Variants in TEX55 observed in about 807,000 individuals in gnomAD.
TEX55 encodes testis expressed 55.
A neutral mutation model predicts 44.6 loss-of-function variants in TEX55; 31 were observed. The ratio of observed to expected loss-of-function variants is 0.69; its 90% CI spans 0.52 to 0.94. The LOEUF is 0.94. Among genes scored for constraint, TEX55 ranks in the 40% least tolerant of loss-of-function variants. TEX55 has a pLI of 0.00. For missense variants in TEX55, 639 were observed against 638.4 expected, an observed-to-expected ratio of 1.00 and a Z score of -0.01; for synonymous variants, 230 against 230.9, an observed-to-expected ratio of 1.00 and a Z score of 0.04.
chr3:119,150,336 A>G (rs75856585), intron 2 of TEX55, among the ~76,000 whole-genome samples: 2 of 2,482 alleles, frequency 8.1e-4, no homozygotes, highest in African/African-American at 1.6e-3. Flanking sequence ...ACCTGTGAAG[A>G]AAAAAACTGC....
rs2077726365 is a variant in TEX55, at chr3:119,146,459, A to G, written c.270A>G (p.Arg90=). The G allele has an allele frequency of 3.7e-6, 6 of 1,614,154 alleles. No individual in the cohort carries two copies. The South Asian group carries it at 6.6e-5, about 18-fold the overall frequency. ...GTACACCTGGTCAGGCTGGCCGCAGAGCATCCAACCCTGCTGATGTTTCTG... is the reference window on the plus strand; with the variant it reads ...GTACACCTGGTCAGGCTGGCCGCAGGGCATCCAACCCTGCTGATGTTTCTG... ...GHSTPGQAGR[R]ASNPADVSDL... is the part of the protein sequence containing the mutation. The change falls in exon 1 of 3, where the codon AGA becomes AGG. Residue 90 remains arginine (R), a synonymous_variant. Coordinates refer to ENST00000295622, the MANE Select transcript of TEX55 (RefSeq NM_152539.3).
In TEX55 at chr3:119,147,289, G is replaced by C; in HGVS notation, c.1100G>C (p.Gly367Ala). The change falls in exon 1 of 3, where the codon GGC (glycine) becomes GCC (alanine). Residue 367 changes from glycine to alanine, a missense_variant. Gly to Ala is a moderately conservative substitution (Grantham distance 60, BLOSUM62 0). Transcript: ENST00000295622. The part of the protein sequence containing the change: ...KDQLSYYETR[G>A]QSEDRIFPQL... ...CAGCTGTCTTACTATGAAACACGTG[G>C]CCAGTCTGAAGACAGAATATTTCCC... is the stretch of plus-strand genomic sequence containing the variant. 6.2e-7 allele frequency: 1 copy of C among 1,614,174 alleles called. No individual in the cohort carries two copies.
chr3:119,150,145 T>C (rs2077768061), intron 2 of TEX55, among the ~76,000 whole-genome samples: 2 of 152,202 alleles, frequency 1.3e-5, no homozygotes, highest in South Asian at 4.1e-4. Context: ...GGATAAGTGA[T>C]GTCTACTTCA....
rs1255975716 is a variant in TEX55 at position 119,148,238 on chromosome 3, G to A, written c.1457G>A (p.Arg486Lys). 1 of 1,611,868 alleles carries A rather than the reference G, an allele frequency of 6.2e-7. No homozygotes were observed. Among genetic ancestry groups the A allele is most frequent in the Admixed American group, 1.7e-5 (1 of 59,840 alleles). The change falls in exon 2 of 3, where the codon AGA (arginine) becomes AAA (lysine). Residue 486 changes from arginine to lysine, a missense_variant. By Grantham distance (26) the Arg-to-Lys change is conservative (BLOSUM62 2). Coordinates refer to ENST00000295622, the MANE Select transcript of TEX55 (RefSeq NM_152539.3). ...TATCATATACGCAATCAAACTTATAGAAGGTTCCCTTCTATAGTTTATGAA... is the reference window on the plus strand; with the variant it reads ...TATCATATACGCAATCAAACTTATAAAAGGTTCCCTTCTATAGTTTATGAA... ...KGYHIRNQTY[R>K]RFPSIVYEDP...
chr3:119,151,358 T>C lies in TEX55; in HGVS notation c.*66T>C. 1 of 1,352,046 alleles carries C rather than the reference T, an allele frequency of 7.4e-7. No homozygotes were observed. Among genetic ancestry groups the C allele is most frequent in the East Asian group, 2.3e-5 (1 of 43,120 alleles). The allele number at this position is 1,352,046 out of a possible 1,614,324, so 83.8% of individuals were successfully genotyped here. On this transcript the variant is annotated 3_prime_UTR_variant, in exon 3 of 3. Coordinates refer to ENST00000295622, the MANE Select transcript of TEX55 (RefSeq NM_152539.3). Reference sequence around the variant, plus strand: ...AAAATACAGCACACATACAGCAAAGTGTATAGAACAAAGTACGTACAACTC... The same window carrying C: ...AAAATACAGCACACATACAGCAAAGCGTATAGAACAAAGTACGTACAACTC...
rs148898242 is a variant in TEX55, at chr3:119,146,883, G to A, written c.694G>A (p.Val232Ile). The change falls in exon 1 of 3, where the codon GTC becomes ATC. Residue 232 changes from valine to isoleucine, a missense_variant. Transcript: ENST00000295622. Reference sequence around the variant, plus strand: ...TGTGCAGATTGACAGTGGGTCATCCGTCCCATCTGACCAAAGTCCTTCTGT... The same window carrying A: ...TGTGCAGATTGACAGTGGGTCATCCATCCCATCTGACCAAAGTCCTTCTGT... ...PSVQIDSGSS[V>I]PSDQSPSVQI... 2.7e-4 allele frequency: 434 copies of A among 1,614,092 alleles called. No individual in the cohort carries two copies. In the African/African-American group the frequency reaches 3.5e-3, roughly 13 times the overall value.
Position 119,146,901 on chromosome 3 carries a change from C to T in TEX55, c.712C>T (p.Pro238Ser), listed in dbSNP as rs1006350518. The T allele has an allele frequency of 6.2e-7, 1 of 1,613,902 alleles. No homozygotes were observed. Among genetic ancestry groups the T allele is most frequent in the Non-Finnish European group, 8.5e-7 (1 of 1,179,908 alleles). ...SGSSVPSDQSPSVQIDSGSSV... is the reference protein window; with the variant it reads ...SGSSVPSDQSSSVQIDSGSSV... The stretch of plus-strand genomic sequence containing the variant: ...GTCATCCGTCCCATCTGACCAAAGT[C>T]CTTCTGTACAGATTGACAGTGGATC... Residue 238 changes from proline (P) to serine (S), a missense_variant, in exon 1 of 3, where the codon CCT becomes TCT. By Grantham distance (74) the Pro-to-Ser change is moderately conservative. Coordinates refer to ENST00000295622, the MANE Select transcript of TEX55 (RefSeq NM_152539.3).
rs772575152 is a variant in TEX55 at position 119,146,853 on chromosome 3, C to A, written c.664C>A (p.Pro222Thr). ...ATTATCCAAACTATCTGAGAGAAGA[C>A]CTTCTGTGCAGATTGACAGTGGGTC... is the stretch of plus-strand genomic sequence containing the variant. ...HRLSKLSERR[P>T]SVQIDSGSSV... is the part of the protein sequence containing the mutation. Residue 222 changes from proline (P) to threonine (T), a missense_variant, in exon 1 of 3, where the codon CCT becomes ACT. Coordinates refer to ENST00000295622, the MANE Select transcript of TEX55 (RefSeq NM_152539.3). 22 of 1,614,218 alleles carry A rather than the reference C, an allele frequency of 1.4e-5. No individual in the cohort carries two copies. Among genetic ancestry groups the A allele is most frequent in the Non-Finnish European group, 1.8e-5 (21 of 1,180,030 alleles).
chr3:119,147,130 C>A lies in TEX55; in HGVS notation c.941C>A (p.Ala314Asp). The change falls in exon 1 of 3, where the codon GCC becomes GAC. Residue 314 changes from alanine (A) to aspartate (D), a missense_variant. Transcript: ENST00000295622. ...ACTCACCACCAAGTGTACGGCCAAG[C>A]CACTGAACTAGCTGAACACCAGGCT... The part of the protein sequence containing the change: ...VKTHHQVYGQ[A>D]TELAEHQAID... 1 of 1,614,140 alleles carries A rather than the reference C, an allele frequency of 6.2e-7. No individual in the cohort carries two copies. Among genetic ancestry groups the A allele is most frequent in the African/African-American group, 1.3e-5 (1 of 75,054 alleles).
In TEX55 at chr3:119,151,350, C is replaced by A. The variant is rs1416191006; in HGVS notation, c.*58C>A. On this transcript the variant is annotated 3_prime_UTR_variant, in exon 3 of 3. Transcript: ENST00000295622. ...TTTATTGTAAAATACAGCACACATACAGCAAAGTGTATAGAACAAAGTACG... is the reference window on the plus strand; with the variant it reads ...TTTATTGTAAAATACAGCACACATAAAGCAAAGTGTATAGAACAAAGTACG... The A allele has an allele frequency of 2.1e-6, 3 of 1,422,554 alleles. No individual in the cohort carries two copies. Among genetic ancestry groups the A allele is most frequent in the African/African-American group, 2.8e-5 (2 of 70,518 alleles). 88.1% of individuals were successfully genotyped at this position (1,422,554 alleles called of 1,614,324 possible). A position where few individuals can be genotyped will look rare whatever the true frequency, so the allele number is the denominator to read the frequency against.
At chr3:119,149,071 T>C (rs1427733561) in intron 2 of TEX55, among the ~76,000 whole-genome samples, 1 of 152,206 alleles carries the variant, frequency 6.6e-6, no homozygotes, top group Non-Finnish European at 1.5e-5. Flanking sequence ...TAGGCTACAC[T>C]AAATTTTTTA....
Position 119,147,577 on chromosome 3 carries a change from T to C in TEX55, c.1388T>C (p.Val463Ala). The C allele has an allele frequency of 6.2e-7, 1 of 1,611,856 alleles. No homozygotes were observed. The highest frequency in any genetic ancestry group is 8.5e-7 in the Non-Finnish European group (1 of 1,179,034). Residue 463 changes from valine to alanine, a missense_variant, in exon 1 of 3, where the codon GTA (valine) becomes GCA (alanine). Val to Ala is a moderately conservative substitution (Grantham distance 64). Coordinates refer to ENST00000295622, the MANE Select transcript of TEX55 (RefSeq NM_152539.3). ...AGTCAAGAAAAAACTCAAGCCATAG[T>C]AACCAAATCTGTAAGTTAAATGGGC... ...TSSQEKTQAI[V>A]TKSDEFSEID...
At chr3:119,148,403 A>T (rs2077751158) in intron 2 of TEX55, 80 bp downstream of exon 2, 1 of 1,336,614 alleles carries the variant, frequency 7.5e-7, no homozygotes, top group African/African-American at 1.5e-5. Context: ...AAAGGGATAT[A>T]TTCTAATTGA....
At chr3:119,148,643 G>A (rs1236357272) in intron 2 of TEX55, among the ~76,000 whole-genome samples, 3 of 152,158 alleles carry the variant, frequency 2.0e-5, no homozygotes, top group Non-Finnish European at 2.9e-5. Flanking sequence ...ATACCATCAC[G>A]TGTTGCTTAA....
At chr3:119,149,107 A>G (rs1214993076) in intron 2 of TEX55, among the ~76,000 whole-genome samples, 1 of 152,174 alleles carries the variant, frequency 6.6e-6, no homozygotes, top group African/African-American at 2.4e-5. Flanking sequence ...AAACCAAATT[A>G]ACCTTAGCTT....
At chr3:119,149,697 C>T (rs1211857255) in intron 2 of TEX55, among the ~76,000 whole-genome samples, 3 of 152,144 alleles carry the variant, frequency 2.0e-5, no homozygotes, top group African/African-American at 7.2e-5. Flanking sequence ...TGCACTATGG[C>T]ATTATGACAG....
intron 2 of TEX55, among the ~76,000 whole-genome samples, chr3:119,150,790 C>T (rs2077774874): frequency 6.6e-6 from 1 of 152,120 alleles, no homozygotes; most frequent in African/African-American, 2.4e-5. Flanking sequence ...CAAACTTTCT[C>T]CCTATCTCTG....
Position 119,146,472 on chromosome 3 carries a change from G to A in TEX55, c.283G>A (p.Ala95Thr). 1 of 1,614,118 alleles carries A rather than the reference G, an allele frequency of 6.2e-7. No individual in the cohort carries two copies. Among genetic ancestry groups the A allele is most frequent in the Non-Finnish European group, 8.5e-7 (1 of 1,180,036 alleles). ...GQAGRRASNP[A>T]DVSDLRADDQ... ...GGCTGGCCGCAGAGCATCCAACCCT[G>A]CTGATGTTTCTGACCTTAGAGCAGA... Residue 95 changes from alanine (A) to threonine (T), a missense_variant, in exon 1 of 3, where the codon GCT (alanine) becomes ACT (threonine). Transcript: ENST00000295622.
Position 119,146,468 on chromosome 3 carries a change from C to G in TEX55, c.279C>G (p.Asn93Lys). 1 of 1,614,146 alleles carries G rather than the reference C, an allele frequency of 6.2e-7. No individual in the cohort carries two copies. Among genetic ancestry groups the G allele is most frequent in the Non-Finnish European group, 8.5e-7 (1 of 1,180,026 alleles). Residue 93 changes from asparagine to lysine, a missense_variant, in exon 1 of 3, where the codon AAC becomes AAG. Asn to Lys is a moderately conservative substitution (Grantham distance 94). Transcript: ENST00000295622. ...TPGQAGRRAS[N>K]PADVSDLRAD... is the part of the protein sequence containing the mutation. ...GTCAGGCTGGCCGCAGAGCATCCAA[C>G]CCTGCTGATGTTTCTGACCTTAGAG... is the stretch of plus-strand genomic sequence containing the variant.
Sources: allele counts gnomAD v4.1 joint callset (sites outside exome capture counted in the v4.1 genomes callset), GRCh38; gene constraint gnomAD v4.1.1; transcripts MANE v1.5; gene names NCBI Gene and HGNC (gene_info 2026-07-23, HGNC 2026-07-21).